The following NF1 variants were observed in gnomAD, a reference collection of about 807,000 sequenced individuals.
NF1 encodes neurofibromin.
Under a neutral mutation model 325.7 loss-of-function variants are expected in NF1, and 122 were observed. The ratio of observed to expected loss-of-function variants is 0.37; its 90% CI spans 0.32 to 0.44. The LOEUF is 0.44. NF1 is among the 20% of genes least tolerant of loss of function. The pLI, the probability that NF1 is intolerant of heterozygous loss-of-function variation, is 1.00. For missense variants in NF1, 2,140 were observed against 3,415.4 expected, an observed-to-expected ratio of 0.63 and a Z score of 9.31; for synonymous variants, 1,091 against 1,186.0, an observed-to-expected ratio of 0.92 and a Z score of 1.65.
At chr17:31,201,987 C>T (rs965662702) in intron 11 of NF1, among the ~76,000 whole-genome samples, 3 of 152,022 alleles carry the variant, frequency 2.0e-5, no homozygotes, top group Non-Finnish European at 2.9e-5. Context: ...TGTAAAATTT[C>T]ATTTTTCTTA....
At chr17:31,149,389 C>T (rs564814855) in intron 1 of NF1, among the ~76,000 whole-genome samples, 3 of 152,144 alleles carry the variant, frequency 2.0e-5, no homozygotes, top group Admixed American at 2.0e-4. Context: ...GCCTCTGCCC[C>T]CTGGGTTGAA....
chr17:31,102,309 A>AATT (rs1177459390), intron 1 of NF1, among the ~76,000 whole-genome samples: 2 of 151,660 alleles, frequency 1.3e-5, no homozygotes, highest in Non-Finnish European at 2.9e-5. Flanking sequence ...AAAAGTCTAA[A>AATT]ATTTTTCTAA....
intron 55 of NF1, 85 bp downstream of exon 55, chr17:31,358,707 T>C (rs2070332247): frequency 2.0e-6 from 3 of 1,511,670 alleles, no homozygotes; most frequent in African/African-American, 1.4e-5. Context: ...CAGAATTCTT[T>C]ATAAGGGATA....
intron 1 of NF1, among the ~76,000 whole-genome samples, chr17:31,143,397 G>T (rs1349598436): frequency 6.6e-6 from 1 of 151,806 alleles, no homozygotes; most frequent in Non-Finnish European, 1.5e-5. Context: ...CTCCCAAGTA[G>T]CTGGGACTAC....
chr17:31,200,670 A>C, intron 9 of NF1, 75 bp downstream of exon 9: 1 of 1,499,230 alleles, frequency 6.7e-7, no homozygotes, highest in South Asian at 1.1e-5. Context: ...TATTATGTCA[A>C]AGATAATTGC....
Position 31,374,177 on chromosome 17 carries a change from A to AT in NF1, c.*22_*23insT. 1 of 1,613,864 alleles carries AT rather than the reference A, an allele frequency of 6.2e-7. No homozygotes were observed. Among genetic ancestry groups the AT allele is most frequent in the Non-Finnish European group, 8.5e-7 (1 of 1,179,826 alleles). ...GTGAAGCTTGCTTGCTTTCTTTTTT[A>AT]AAATCAACTTAACATGGGCTCTTCA... On this transcript the variant is annotated 3_prime_UTR_variant, in exon 58 of 58. Coordinates refer to ENST00000358273, the MANE Select transcript of NF1 (RefSeq NM_001042492.3).
intron 1 of NF1, among the ~76,000 whole-genome samples, chr17:31,110,678 A>T (rs1432742591): frequency 6.6e-6 from 1 of 152,176 alleles, no homozygotes; most frequent in East Asian, 1.9e-4. Context: ...TTATTTTAAA[A>T]TAACTATAAT....
At chr17:31,251,854 G>A (rs1244411347) in intron 30 of NF1, 6 of 216,158 alleles carry the variant, frequency 2.8e-5, no homozygotes, top group Non-Finnish European at 5.6e-5. Context: ...ATGGATGAAT[G>A]GGTGGGTGGA....
chr17:31,309,261 T>G (rs945371798), intron 36 of NF1, among the ~76,000 whole-genome samples: 1 of 152,242 alleles, frequency 6.6e-6, no homozygotes, highest in African/African-American at 2.4e-5. Context: ...AGGAGCACAG[T>G]AAACATTTAA....
At chr17:31,219,560 G>A (rs1357550477) in intron 14 of NF1, among the ~76,000 whole-genome samples, 4 of 151,566 alleles carry the variant, frequency 2.6e-5, no homozygotes, top group Admixed American at 2.6e-4. Flanking sequence ...GTATACATGT[G>A]CCATGTTGGT....
intron 12 of NF1, among the ~76,000 whole-genome samples, chr17:31,208,772 T>C (rs1399722210): frequency 6.6e-6 from 1 of 152,054 alleles, no homozygotes. Flanking sequence ...ATCCCTGTAA[T>C]TCCAGCTACT....
At chr17:31,272,757 C>T (rs1470958101) in intron 36 of NF1, 1 of 152,208 alleles carries the variant, frequency 6.6e-6, no homozygotes, top group Non-Finnish European at 1.5e-5. Flanking sequence ...GCTTGAACAT[C>T]ATCCTCCTCT....
chr17:31,284,777 C>T (rs2068192286), intron 36 of NF1, among the ~76,000 whole-genome samples: 1 of 152,112 alleles, frequency 6.6e-6, no homozygotes, highest in Non-Finnish European at 1.5e-5. Context: ...AGTGTATAAT[C>T]CTCAAAGGAA....
intron 31 of NF1, 109 bp from the exon 32 acceptor site, chr17:31,258,235 G>T (rs1020673346): frequency 1.8e-6 from 2 of 1,130,932 alleles, no homozygotes; most frequent in East Asian, 2.4e-5. Flanking sequence ...CATTCATGAG[G>T]ACTGATTGAT....
intron 51 of NF1, among the ~76,000 whole-genome samples, 166 bp downstream of exon 51, chr17:31,352,580 A>C (rs1357760327): frequency 6.6e-6 from 1 of 152,218 alleles, no homozygotes; most frequent in Non-Finnish European, 1.5e-5. Flanking sequence ...GTTAAGCATT[A>C]TAAGTTGAGA....
intron 1 of NF1, among the ~76,000 whole-genome samples, chr17:31,115,442 G>A (rs1026648366): frequency 7.9e-5 from 12 of 152,196 alleles, no homozygotes; most frequent in African/African-American, 2.4e-4. Context: ...TATCAAAGTC[G>A]TAGGTACTTG....
chr17:31,226,280 A>G (rs998816484), intron 17 of NF1, among the ~76,000 whole-genome samples, 155 bp from the exon 18 acceptor site: 1 of 149,062 alleles, frequency 6.7e-6, no homozygotes, highest in East Asian at 2.0e-4. Context: ...TCCTATAATG[A>G]TTAAAGGAAA....
chr17:31,226,395 C>A (rs1214658710), intron 17 of NF1, 40 bp from the exon 18 acceptor site: 1 of 1,579,036 alleles, frequency 6.3e-7, no homozygotes, highest in Non-Finnish European at 8.6e-7. Flanking sequence ...CATAAAATTA[C>A]CCAAGTTGCA....
rs2070706077 is a variant in NF1, at chr17:31,374,619, T to C, written c.*464T>C. On this transcript the variant is annotated 3_prime_UTR_variant, in exon 58 of 58. Transcript: ENST00000358273. ...CAAGTTTATGAGAGAAATAGTATTATAACCCCAGTATGTTTAATCTTTTAG... is the reference window on the plus strand; with the variant it reads ...CAAGTTTATGAGAGAAATAGTATTACAACCCCAGTATGTTTAATCTTTTAG... 1 of 287,688 alleles carries C rather than the reference T, an allele frequency of 3.5e-6. No individual in the cohort carries two copies. Among genetic ancestry groups the C allele is most frequent in the Non-Finnish European group, 6.7e-6 (1 of 150,000 alleles). 17.8% of individuals were successfully genotyped at this position (287,688 alleles called of 1,614,324 possible).
Sources: allele counts gnomAD v4.1 joint callset (sites outside exome capture counted in the v4.1 genomes callset), GRCh38; gene constraint gnomAD v4.1.1; transcripts MANE v1.5; gene names NCBI Gene and HGNC (gene_info 2026-07-23, HGNC 2026-07-21).